GALNT13: variants seen among roughly 807,000 people sequenced by gnomAD.
The protein encoded by GALNT13 is UDP-GalNAc:polypeptide N-acetylgalactosaminyltransferase 13.
A neutral mutation model predicts 64.2 loss-of-function variants in GALNT13; 28 were observed. The observed-to-expected ratio is 0.44, with a 90% confidence interval of 0.32 to 0.60. The LOEUF (loss-of-function observed/expected upper bound fraction) is 0.60. Ranked by LOEUF, GALNT13 falls within the 20% of genes least tolerant of loss-of-function variation. The pLI, the probability that GALNT13 is intolerant of heterozygous loss-of-function variation, is 0.05. For synonymous variants in GALNT13, 214 were observed against 224.6 expected, an observed-to-expected ratio of 0.95 and a Z score of 0.42; for missense variants, 577 against 669.8, an observed-to-expected ratio of 0.86 and a Z score of 1.53.
chr2:153,372,166 G>A, the GALNT13 span, among the ~76,000 whole-genome samples: 3 of 152,178 alleles, frequency 2.0e-5, no homozygotes, highest in Admixed American at 2.0e-4. Context: ...TTGGAGTGGG[G>A]AATGGGGGCG....
At chr2:154,318,797 G>T (rs1044067972) in intron 9 of GALNT13, among the ~76,000 whole-genome samples, 1 of 151,718 alleles carries the variant, frequency 6.6e-6, no homozygotes, top group African/African-American at 2.4e-5. Context: ...AGTTGTTTCA[G>T]TTATTCATGG....
At chr2:153,162,731 A>C in the GALNT13 span, among the ~76,000 whole-genome samples, 1 of 152,360 alleles carries the variant, frequency 6.6e-6, no homozygotes, top group African/African-American at 2.4e-5. Flanking sequence ...CCCATAGCTT[A>C]TACTAACACT....
chr2:153,437,453 G>A, the GALNT13 span, among the ~76,000 whole-genome samples: 1 of 152,054 alleles, frequency 6.6e-6, no homozygotes, highest in Non-Finnish European at 1.5e-5. Flanking sequence ...ATTATTGTGT[G>A]GGAGTCTAAG....
At chr2:154,327,250 G>A (rs1359947976) in intron 9 of GALNT13, among the ~76,000 whole-genome samples, 3 of 152,054 alleles carry the variant, frequency 2.0e-5, no homozygotes, top group Non-Finnish European at 4.4e-5. Context: ...CTTCCACCAT[G>A]GTTGAAAGTT....
the GALNT13 span, among the ~76,000 whole-genome samples, chr2:153,292,304 CTGTAA>C: frequency 0.5 from 75,557 of 151,378 alleles, 19,640 homozygotes; most frequent in Middle Eastern, 0.64. Context: ...GGTAACTTAT[CTGTAA>C]TTTTGTTTTA....
intron 3 of GALNT13, among the ~76,000 whole-genome samples, chr2:153,970,625 GGC>G (rs1693676609): frequency 6.6e-6 from 1 of 152,024 alleles, no homozygotes; most frequent in Admixed American, 6.6e-5. Flanking sequence ...TTGTGACCAA[GGC>G]TTACTTGATA....
At chr2:153,259,430 G>T in the GALNT13 span, among the ~76,000 whole-genome samples, 1 of 151,642 alleles carries the variant, frequency 6.6e-6, no homozygotes, top group African/African-American at 2.4e-5. Flanking sequence ...TTCATTCAAT[G>T]TTATTATAAA....
the GALNT13 span, among the ~76,000 whole-genome samples, chr2:153,417,422 T>G: frequency 1.3e-5 from 2 of 152,124 alleles, no homozygotes; most frequent in Non-Finnish European, 2.9e-5. Context: ...AGGTTAAGAA[T>G]AAACAGTAGG....
At chr2:153,694,266 A>G in the GALNT13 span, among the ~76,000 whole-genome samples, 74 of 152,274 alleles carry the variant, frequency 4.9e-4, no homozygotes, top group African/African-American at 1.8e-3. Context: ...CACAAGGTAC[A>G]AGGAGGCCGT....
At chr2:154,099,605 A>G (rs1453343855) in intron 3 of GALNT13, among the ~76,000 whole-genome samples, 2 of 152,072 alleles carry the variant, frequency 1.3e-5, no homozygotes, top group East Asian at 3.9e-4. Flanking sequence ...GGTGAGTAAC[A>G]GGGGTCAACT....
the GALNT13 span, among the ~76,000 whole-genome samples, chr2:153,852,478 T>C: frequency 0.049 from 7,456 of 152,328 alleles, 235 homozygotes; most frequent in South Asian, 0.089. Flanking sequence ...AAAATGTTTA[T>C]GTATTTAATA....
At chr2:154,077,441 A>G (rs1004356582) in intron 3 of GALNT13, among the ~76,000 whole-genome samples, 10 of 151,716 alleles carry the variant, frequency 6.6e-5, no homozygotes, top group African/African-American at 2.4e-4. Flanking sequence ...GAGACATGCA[A>G]GATAATAATA....
At chr2:153,948,267 G>T (rs1043946354) in intron 3 of GALNT13, among the ~76,000 whole-genome samples, 11 of 151,044 alleles carry the variant, frequency 7.3e-5, no homozygotes, top group Non-Finnish European at 1.0e-4. Flanking sequence ...CAACATGACT[G>T]ATTATTAGCT....
the GALNT13 span, among the ~76,000 whole-genome samples, chr2:153,486,705 A>G: frequency 1.3e-5 from 2 of 152,034 alleles, no homozygotes; most frequent in Non-Finnish European, 2.9e-5. Flanking sequence ...CTGAGCATGC[A>G]GTTTTCCGAA....
At chr2:154,327,171 G>A (rs965982369) in intron 9 of GALNT13, among the ~76,000 whole-genome samples, 6 of 151,810 alleles carry the variant, frequency 4.0e-5, no homozygotes, top group Admixed American at 6.6e-5. Flanking sequence ...GTTTTATAAG[G>A]GGCTCTTCCT....
chr2:153,253,781 G>C, the GALNT13 span, among the ~76,000 whole-genome samples: 1 of 150,634 alleles, frequency 6.6e-6, no homozygotes, highest in Non-Finnish European at 1.5e-5. Context: ...TTATTGATTT[G>C]CGTATATTGA....
chr2:153,464,500 T>C, the GALNT13 span, among the ~76,000 whole-genome samples: 1 of 152,098 alleles, frequency 6.6e-6, no homozygotes, highest in Non-Finnish European at 1.5e-5. Flanking sequence ...TTGAAAGATA[T>C]TCTTCCGGGC....
chr2:154,433,102 A>G (rs1000109508), intron 11 of GALNT13, among the ~76,000 whole-genome samples: 4 of 152,094 alleles, frequency 2.6e-5, no homozygotes, highest in Non-Finnish European at 5.9e-5. Flanking sequence ...CTGCATTTTC[A>G]TTTTGCACTG....
intron 9 of GALNT13, among the ~76,000 whole-genome samples, chr2:154,327,232 G>T (rs112052827): frequency 6.6e-6 from 1 of 151,988 alleles, no homozygotes; most frequent in African/African-American, 2.4e-5. Flanking sequence ...TGTGAAGGTC[G>T]CCTTTGCCTT....
Sources: allele counts gnomAD v4.1 joint callset (sites outside exome capture counted in the v4.1 genomes callset), GRCh38; gene constraint gnomAD v4.1.1; transcripts MANE v1.5; gene names NCBI Gene and HGNC (gene_info 2026-07-23, HGNC 2026-07-21).